PTPRD: variants seen among roughly 807,000 people sequenced by gnomAD.
PTPRD encodes receptor-type tyrosine-protein phosphatase delta.
PTPRD carries 34 observed loss-of-function variants against 214.5 expected under a neutral mutation model. The observed-to-expected ratio is 0.16, with a 90% CI of 0.12 to 0.21. The LOEUF (loss-of-function observed/expected upper bound fraction) is 0.21. PTPRD is among the 10% of genes least tolerant of loss of function. The pLI, the probability that PTPRD is intolerant of heterozygous loss-of-function variation, is 1.00. For synonymous variants in PTPRD, 1,128 were observed against 845.7 expected, an observed-to-expected ratio of 1.33 and a Z score of -5.79; for missense variants, 2,545 against 2,398.7, an observed-to-expected ratio of 1.06 and a Z score of -1.27.
At chr9:8,644,822 G>A (rs2096652827) in intron 12 of PTPRD, among the ~76,000 whole-genome samples, 1 of 152,188 alleles carries the variant, frequency 6.6e-6, no homozygotes, top group East Asian at 1.9e-4. Context: ...GCCATTCCAT[G>A]CCTGACTCGC....
intron 11 of PTPRD, among the ~76,000 whole-genome samples, chr9:8,748,122 C>T (rs1598615044): frequency 6.6e-6 from 1 of 152,304 alleles, no homozygotes; most frequent in Admixed American, 6.5e-5. Flanking sequence ...TGCCCCAATT[C>T]AGCAGGAAGC....
At chr9:9,799,120 C>T (rs561068985) in intron 5 of PTPRD, among the ~76,000 whole-genome samples, 21 of 152,228 alleles carry the variant, frequency 1.4e-4, no homozygotes, top group African/African-American at 5.1e-4. Flanking sequence ...CCAGAAGGTT[C>T]CCTCCAATTT....
At chr9:8,549,996 C>G (rs1283901626) in intron 14 of PTPRD, among the ~76,000 whole-genome samples, 4 of 152,050 alleles carry the variant, frequency 2.6e-5, no homozygotes, top group Non-Finnish European at 5.9e-5. Flanking sequence ...AACATTAAGA[C>G]AAACATCACT....
At chr9:8,527,016 T>C (rs1399171882) in intron 16 of PTPRD, among the ~76,000 whole-genome samples, 1 of 151,962 alleles carries the variant, frequency 6.6e-6, no homozygotes, top group African/African-American at 2.4e-5. Flanking sequence ...CTGGCTAATC[T>C]ATTTAAGTAT....
At chr9:8,539,814 A>C (rs2077913708) in intron 14 of PTPRD, among the ~76,000 whole-genome samples, 1 of 152,110 alleles carries the variant, frequency 6.6e-6, no homozygotes. Flanking sequence ...CCAGGTTGAC[A>C]AGTACAAAAT....
At chr9:10,439,671 C>A (rs565330630) in intron 2 of PTPRD, among the ~76,000 whole-genome samples, 44 of 151,734 alleles carry the variant, frequency 2.9e-4, no homozygotes, top group African/African-American at 4.3e-4. Flanking sequence ...ACAACAACAA[C>A]AAAAAATAAA....
intron 4 of PTPRD, among the ~76,000 whole-genome samples, chr9:10,008,815 T>C (rs1294084656): frequency 2.0e-5 from 3 of 151,986 alleles, no homozygotes; most frequent in Non-Finnish European, 4.4e-5. Context: ...AGTAATTCTC[T>C]ATAACAAATT....
intron 10 of PTPRD, among the ~76,000 whole-genome samples, chr9:9,048,310 C>A (rs955460114): frequency 6.6e-6 from 1 of 151,944 alleles, no homozygotes; most frequent in Non-Finnish European, 1.5e-5. Context: ...GGGTATATAC[C>A]CAAAAGAAAG....
chr9:9,476,369 G>A (rs943946756), intron 8 of PTPRD, among the ~76,000 whole-genome samples: 1 of 152,186 alleles, frequency 6.6e-6, no homozygotes, highest in Non-Finnish European at 1.5e-5. Flanking sequence ...CCTATTCTCA[G>A]AAGAGAAACA....
intron 5 of PTPRD, among the ~76,000 whole-genome samples, chr9:9,803,244 G>C (rs1286265984): frequency 7.0e-6 from 1 of 142,628 alleles, no homozygotes; most frequent in African/African-American, 2.6e-5. Context: ...TGGACGTTTT[G>C]ATAAAAAAGA....
At chr9:9,261,003 C>A (rs946129878) in intron 9 of PTPRD, among the ~76,000 whole-genome samples, 2 of 151,780 alleles carry the variant, frequency 1.3e-5, no homozygotes, top group Non-Finnish European at 1.5e-5. Context: ...TTTTTAACAG[C>A]CATTGGTACT....
chr9:9,113,884 A>G (rs1013343488), intron 10 of PTPRD, among the ~76,000 whole-genome samples: 1 of 152,186 alleles, frequency 6.6e-6, no homozygotes, highest in Non-Finnish European at 1.5e-5. Flanking sequence ...ATGCTATAGT[A>G]AGGTATCAAC....
At chr9:10,346,448 T>A (rs1565443636) in intron 2 of PTPRD, among the ~76,000 whole-genome samples, 1 of 152,124 alleles carries the variant, frequency 6.6e-6, no homozygotes, top group East Asian at 1.9e-4. Flanking sequence ...GACTGAAAAA[T>A]TATATAAGAA....
intron 11 of PTPRD, among the ~76,000 whole-genome samples, chr9:8,934,474 TATAA>T (rs1273689014): frequency 0.38 from 9,646 of 25,488 alleles, 1,590 homozygotes; most frequent in Non-Finnish European, 0.44. Context: ...AATATATATA[TATAA>T]ATATATATAT....
chr9:9,698,391 G>T (rs1265802590), intron 7 of PTPRD, among the ~76,000 whole-genome samples: 2 of 152,084 alleles, frequency 1.3e-5, no homozygotes, highest in Non-Finnish European at 2.9e-5. Flanking sequence ...GGTTTGTCTT[G>T]GCTTTAGTGA....
chr9:8,579,424 G>C (rs577055133), intron 14 of PTPRD, among the ~76,000 whole-genome samples: 24 of 151,972 alleles, frequency 1.6e-4, no homozygotes, highest in Non-Finnish European at 3.1e-4. Flanking sequence ...AAATACCTTG[G>C]GTCAAAATAT....
At chr9:10,444,091 C>T (rs1164396011) in intron 2 of PTPRD, among the ~76,000 whole-genome samples, 2 of 151,696 alleles carry the variant, frequency 1.3e-5, no homozygotes, top group African/African-American at 4.8e-5. Flanking sequence ...TTTAACTCAA[C>T]ATGCTTACAT....
At chr9:8,460,979 T>C (rs2096382706) in intron 32 of PTPRD, among the ~76,000 whole-genome samples, 1 of 152,164 alleles carries the variant, frequency 6.6e-6, no homozygotes, top group Non-Finnish European at 1.5e-5. Context: ...ACTAGAGTTC[T>C]AGCCCTCAAG....
chr9:9,468,049 T>C (rs1363739333), intron 8 of PTPRD, among the ~76,000 whole-genome samples: 1 of 152,076 alleles, frequency 6.6e-6, no homozygotes, highest in Non-Finnish European at 1.5e-5. Context: ...TGTGGAGCAG[T>C]TTTGCATTTG....
Sources: gnomAD v4.1 joint callset for allele counts (sites outside exome capture counted in the v4.1 genomes callset) on GRCh38, gnomAD v4.1.1 for gene constraint, MANE v1.5 for transcripts, NCBI Gene and HGNC (gene_info 2026-07-23, HGNC 2026-07-21) for gene names.